Variants in TUNAR observed in about 807,000 individuals in gnomAD.
TUNAR encodes the protein protein TUNAR.
intron 2 of TUNAR, among the ~76,000 whole-genome samples, chr14:95,899,981 C>T (rs1400557095): frequency 6.6e-6 from 1 of 152,194 alleles, no homozygotes; most frequent in Non-Finnish European, 1.5e-5. Flanking sequence ...AATATTCTGA[C>T]TTGCAGAGAG....
At chr14:95,888,197 A>G (rs1026330224) in intron 2 of TUNAR, among the ~76,000 whole-genome samples, 7 of 152,190 alleles carry the variant, frequency 4.6e-5, no homozygotes, top group Admixed American at 6.5e-5. Context: ...AATAACAACA[A>G]TTAATGGTAA....
intron 2 of TUNAR, among the ~76,000 whole-genome samples, chr14:95,900,744 T>C (rs566326180): frequency 2.0e-5 from 3 of 152,258 alleles, no homozygotes; most frequent in African/African-American, 7.2e-5. Flanking sequence ...CATACTAGTT[T>C]GGAGAGCAAG....
chr14:95,901,201 A>G (rs1427334983), intron 2 of TUNAR, among the ~76,000 whole-genome samples: 1 of 152,262 alleles, frequency 6.6e-6, no homozygotes, highest in African/African-American at 2.4e-5. Context: ...CAGAGCTGAC[A>G]GGAGCCATTG....
intron 2 of TUNAR, among the ~76,000 whole-genome samples, chr14:95,897,983 G>A (rs1447905923): frequency 6.6e-6 from 1 of 151,962 alleles, no homozygotes; most frequent in Non-Finnish European, 1.5e-5. Flanking sequence ...ACCCCTCTCA[G>A]GATGCTCTCC....
chr14:95,892,939 T>G (rs1889206096), intron 2 of TUNAR, among the ~76,000 whole-genome samples: 1 of 152,178 alleles, frequency 6.6e-6, no homozygotes, highest in South Asian at 2.1e-4. Context: ...GGTGGCCATG[T>G]AACCCCAGTG....
At chr14:95,878,370 C>T (rs746787006) in intron 2 of TUNAR, among the ~76,000 whole-genome samples, 36 of 152,326 alleles carry the variant, frequency 2.4e-4, no homozygotes, top group Non-Finnish European at 4.4e-4. Context: ...CACCTGGAAT[C>T]AATTGATCCT....
chr14:95,920,334 C>A (rs1028706944), intron 2 of TUNAR, among the ~76,000 whole-genome samples: 8 of 152,068 alleles, frequency 5.3e-5, no homozygotes, highest in Non-Finnish European at 7.4e-5. Context: ...CGGTGCTAAA[C>A]AGATATGAAA....
At chr14:95,920,105 CACA>C (rs1221011160) in intron 2 of TUNAR, among the ~76,000 whole-genome samples, 1 of 152,220 alleles carries the variant, frequency 6.6e-6, no homozygotes, top group Non-Finnish European at 1.5e-5. Context: ...CACAGCTATA[CACA>C]ACGACGTGAG....
At chr14:95,919,279 G>A (rs74085772) in intron 2 of TUNAR, among the ~76,000 whole-genome samples, 7,104 of 152,274 alleles carry the variant, frequency 0.047, 546 homozygotes, top group African/African-American at 0.16. Flanking sequence ...CCCTGTGCCC[G>A]GCAGCTCCTC....
chr14:95,894,879 G>C (rs1889237055), intron 2 of TUNAR, among the ~76,000 whole-genome samples: 1 of 152,222 alleles, frequency 6.6e-6, no homozygotes, highest in African/African-American at 2.4e-5. Context: ...GAGACCTCCT[G>C]TCCTCAGCCA....
intron 2 of TUNAR, among the ~76,000 whole-genome samples, chr14:95,911,368 A>G (rs1238888587): frequency 1.3e-5 from 2 of 152,222 alleles, no homozygotes; most frequent in African/African-American, 4.8e-5. Flanking sequence ...CCCTCTCTGC[A>G]GTGCCCTGGG....
intron 2 of TUNAR, among the ~76,000 whole-genome samples, chr14:95,909,397 C>T (rs1889477038): frequency 6.6e-6 from 1 of 150,994 alleles, no homozygotes; most frequent in East Asian, 2.0e-4. Flanking sequence ...GATTTTCCTG[C>T]CTCAGCCTCC....
intron 2 of TUNAR, among the ~76,000 whole-genome samples, chr14:95,905,831 G>A (rs1889420523): frequency 1.3e-5 from 2 of 152,110 alleles, no homozygotes; most frequent in South Asian, 2.1e-4. Context: ...TTTATTTATT[G>A]GAACTCTACT....
intron 2 of TUNAR, among the ~76,000 whole-genome samples, chr14:95,912,794 T>G (rs192266111): frequency 1.6e-4 from 24 of 152,154 alleles, no homozygotes; most frequent in Admixed American, 1.6e-3. Context: ...TTTTTTTCTT[T>G]TTTTTTCTTT....
At chr14:95,888,594 C>T (rs1459491860) in intron 2 of TUNAR, among the ~76,000 whole-genome samples, 1 of 152,138 alleles carries the variant, frequency 6.6e-6, no homozygotes, top group African/African-American at 2.4e-5. Flanking sequence ...AGCTGAGACT[C>T]TCCATCGCTC....
chr14:95,895,605 G>A lies in TUNAR; in HGVS notation c.12+18428G>A, dbSNP rs900284387. On this transcript the variant is annotated intron_variant, in intron 2 of 2. Coordinates refer to ENST00000678517, the Ensembl canonical transcript of TUNAR. This position sits in a 1 kb window ranked among gnomAD's most constrained non-coding sequence, Gnocchi z 4.5. ...TCAGCCTCACATTGCTACAAAGTGG[G>A]AATTTTACCAATGATTTAAAGCCCT... Among the ~76,000 whole-genome samples the A allele has an allele frequency of 6.6e-6, 1 of 152,178 alleles. No homozygotes were observed. The highest frequency in any genetic ancestry group is 1.5e-5 in the Non-Finnish European group (1 of 68,034).
chr14:95,918,542 A>G (rs1889641712), intron 2 of TUNAR, among the ~76,000 whole-genome samples: 1 of 152,228 alleles, frequency 6.6e-6, no homozygotes, highest in Admixed American at 6.5e-5. Context: ...GGGGAATTGA[A>G]GTTTCCAAGT....
intron 2 of TUNAR, among the ~76,000 whole-genome samples, chr14:95,910,452 A>G (rs1889495908): frequency 6.6e-6 from 1 of 152,246 alleles, no homozygotes; most frequent in South Asian, 2.1e-4. Flanking sequence ...AGTAGCTATG[A>G]CGTTTATCAT....
At chr14:95,878,182 A>G (rs1006402384) in intron 2 of TUNAR, among the ~76,000 whole-genome samples, 1 of 152,236 alleles carries the variant, frequency 6.6e-6, no homozygotes, top group African/African-American at 2.4e-5. Flanking sequence ...CTGAGCCCCA[A>G]ACACTTCTGA....
Sources: allele counts gnomAD v4.1 joint callset (sites outside exome capture counted in the v4.1 genomes callset), GRCh38; gene constraint gnomAD v4.1.1; non-coding constraint Gnocchi (gnomAD v3.1); transcripts MANE v1.5; gene names NCBI Gene and HGNC (gene_info 2026-07-23, HGNC 2026-07-21).